The following IL1RAPL1 variants were observed in gnomAD, a reference collection of about 807,000 sequenced individuals.
IL1RAPL1 encodes interleukin 1 receptor accessory protein like 1, also known as interleukin-1 receptor accessory protein-like 1.
IL1RAPL1 carries 3 observed loss-of-function variants against 48.4 expected under a neutral mutation model. The ratio of observed to expected loss-of-function variants is 0.06; its 90% CI spans 0.03 to 0.16. The LOEUF is 0.16. IL1RAPL1 is among the 10% of genes least tolerant of loss of function. The pLI, the probability that IL1RAPL1 is intolerant of heterozygous loss-of-function variation, is 1.00. For missense variants in IL1RAPL1, 349 were observed against 530.6 expected, an observed-to-expected ratio of 0.66 and a Z score of 3.36; for synonymous variants, 185 against 187.7, an observed-to-expected ratio of 0.99 and a Z score of 0.12.
chrX:29,312,578 A>G (rs775609226), intron 3 of IL1RAPL1, among the ~76,000 whole-genome samples: 1 of 112,165 alleles, frequency 8.9e-6, no homozygotes, highest in Non-Finnish European at 1.9e-5. Flanking sequence ...ACAAAGAGAA[A>G]TTCATCTGAT....
rs1921539679 is a variant in IL1RAPL1, at chrX:29,544,378, G to A, written c.704-124052G>A. 5.3e-5 allele frequency among the ~76,000 whole-genome samples: 6 copies of A among 112,165 alleles called. No individual in the cohort carries two copies. In the South Asian group the frequency reaches 1.5e-3, roughly 28 times the overall value. ...AAAGTTGCTCAGTGCTATAAAAAAA[G>A]TATCTAACCTACTTAGAATTCACAT... is the stretch of plus-strand genomic sequence containing the variant. On this transcript the variant is annotated intron_variant, in intron 5 of 10. Coordinates refer to ENST00000378993, the MANE Select transcript of IL1RAPL1 (RefSeq NM_014271.4).
chrX:29,511,752 C>T (rs1261769793), intron 5 of IL1RAPL1, among the ~76,000 whole-genome samples: 2 of 111,383 alleles, frequency 1.8e-5, no homozygotes, highest in African/African-American at 6.5e-5. Context: ...ATAATAATTT[C>T]TGGTGTGACC....
intron 5 of IL1RAPL1, among the ~76,000 whole-genome samples, chrX:29,585,155 T>C (rs1349049163): frequency 8.9e-6 from 1 of 112,185 alleles, no homozygotes; most frequent in East Asian, 2.8e-4. Flanking sequence ...ATCTTTATCT[T>C]ATTTAACTGA....
chrX:29,098,248 A>C (rs1928258199), intron 2 of IL1RAPL1, among the ~76,000 whole-genome samples: 1 of 110,137 alleles, frequency 9.1e-6, no homozygotes, highest in Admixed American at 9.7e-5. Context: ...CCTGTTAGTC[A>C]TCCCCATTCC....
At chrX:28,839,159 C>T (rs965284874) in intron 2 of IL1RAPL1, among the ~76,000 whole-genome samples, 3 of 111,404 alleles carry the variant, frequency 2.7e-5, no homozygotes, top group Admixed American at 9.6e-5. Context: ...AAGTTTAAAA[C>T]GATGAAACAG....
At chrX:29,354,212 T>A (rs1270576601) in intron 3 of IL1RAPL1, among the ~76,000 whole-genome samples, 3 of 111,002 alleles carry the variant, frequency 2.7e-5, no homozygotes. Flanking sequence ...TGGTGCTTTA[T>A]CTCAAAGCTT....
intron 6 of IL1RAPL1, among the ~76,000 whole-genome samples, chrX:29,818,630 T>C (rs907125419): frequency 1.8e-5 from 2 of 111,414 alleles, no homozygotes; most frequent in African/African-American, 6.5e-5. Context: ...GACGTTGGAG[T>C]AGGAAGTAAG....
At chrX:29,144,678 C>A (rs576573353) in intron 2 of IL1RAPL1, among the ~76,000 whole-genome samples, 1 of 101,884 alleles carries the variant, frequency 9.8e-6, no homozygotes, top group African/African-American at 3.6e-5. Context: ...TTAATGATTA[C>A]AATTACAACT....
chrX:29,259,360 T>A (rs1931811963), intron 2 of IL1RAPL1, among the ~76,000 whole-genome samples: 1 of 111,779 alleles, frequency 8.9e-6, no homozygotes, highest in African/African-American at 3.2e-5. Flanking sequence ...CTGGATTTCG[T>A]AGTCAAATCT....
At chrX:29,484,345 T>C (rs1185754953) in intron 5 of IL1RAPL1, among the ~76,000 whole-genome samples, 2 of 111,443 alleles carry the variant, frequency 1.8e-5, no homozygotes, top group African/African-American at 3.3e-5. Flanking sequence ...AAGCCACCAG[T>C]CCCATCATGG....
At chrX:29,659,226 G>C (rs1055754207) in intron 5 of IL1RAPL1, among the ~76,000 whole-genome samples, 1 of 111,569 alleles carries the variant, frequency 9.0e-6, no homozygotes, top group African/African-American at 3.3e-5. Flanking sequence ...AAATAGAGTT[G>C]TTATGACCAA....
chrX:29,757,860 A>C (rs1928657007), intron 6 of IL1RAPL1, among the ~76,000 whole-genome samples: 1 of 111,932 alleles, frequency 8.9e-6, no homozygotes, highest in Admixed American at 9.5e-5. Context: ...TAATGATGAA[A>C]CTTTCCAATT....
At chrX:28,679,634 A>C (rs1242535988) in intron 1 of IL1RAPL1, among the ~76,000 whole-genome samples, 1 of 111,684 alleles carries the variant, frequency 9.0e-6, no homozygotes, top group Non-Finnish European at 1.9e-5. Context: ...TGATTTTTGA[A>C]TGTGGTGTGA....
chrX:29,584,006 G>A (rs1200421164), intron 5 of IL1RAPL1, among the ~76,000 whole-genome samples: 1 of 111,449 alleles, frequency 9.0e-6, no homozygotes, highest in Non-Finnish European at 1.9e-5. Context: ...CCTAGATAGA[G>A]TCTAAGATTG....
At chrX:29,804,257 A>G (rs931935968) in intron 6 of IL1RAPL1, among the ~76,000 whole-genome samples, 2 of 111,708 alleles carry the variant, frequency 1.8e-5, no homozygotes, top group African/African-American at 3.3e-5. Flanking sequence ...GTGATCTGCT[A>G]TAGGCTTACT....
chrX:28,826,505 T>A (rs1387636029), intron 2 of IL1RAPL1, among the ~76,000 whole-genome samples: 2 of 111,389 alleles, frequency 1.8e-5, no homozygotes, highest in African/African-American at 6.5e-5. Context: ...ATCCACATTT[T>A]AGCCTCTTAG....
chrX:29,073,916 C>G (rs1927618113), intron 2 of IL1RAPL1, among the ~76,000 whole-genome samples: 1 of 111,536 alleles, frequency 9.0e-6, no homozygotes, highest in South Asian at 3.7e-4. Flanking sequence ...ATTTTTGGAG[C>G]TGTGATTCAG....
At chrX:29,536,688 G>A (rs1039544494) in intron 5 of IL1RAPL1, among the ~76,000 whole-genome samples, 1 of 109,913 alleles carries the variant, frequency 9.1e-6, no homozygotes, top group African/African-American at 3.3e-5. Flanking sequence ...AAGCAATTTT[G>A]AAACAAATTT....
chrX:29,600,762 G>A (rs181814643), intron 5 of IL1RAPL1, among the ~76,000 whole-genome samples: 214 of 110,838 alleles, frequency 1.9e-3, no homozygotes, highest in African/African-American at 6.8e-3. Flanking sequence ...GGGGGATAGC[G>A]GTGTGGTTCC....
Sources: allele counts gnomAD v4.1 joint callset (sites outside exome capture counted in the v4.1 genomes callset), GRCh38; gene constraint gnomAD v4.1.1; transcripts MANE v1.5; gene names NCBI Gene and HGNC (gene_info 2026-07-23, HGNC 2026-07-21).